The following MED12L variants were observed in gnomAD, a reference collection of about 807,000 sequenced individuals.
MED12L encodes the protein mediator complex subunit 12L, also known as mediator of RNA polymerase II transcription subunit 12-like protein.
A neutral mutation model predicts 281.3 loss-of-function variants in MED12L; 60 were observed. The ratio of observed to expected loss-of-function variants is 0.21; its 90% CI spans 0.17 to 0.26. The LOEUF is 0.26. Ranked by LOEUF, MED12L falls within the 10% of genes least tolerant of loss-of-function variation. The pLI is 1.00. For missense variants in MED12L, 2,146 were observed against 2,680.9 expected (o/e 0.80, Z 4.41); for synonymous variants, 974 against 987.2 (o/e 0.99, Z 0.25).
chr3:151,430,928 G>A (rs759825410), intron 44 of MED12L, among the ~76,000 whole-genome samples: 1 of 151,232 alleles, frequency 6.6e-6, no homozygotes, highest in Admixed American at 6.6e-5. Context: ...TGTAGTGCTG[G>A]TGTGGTGTTT....
chr3:151,170,521 A>T (rs149414289), intron 11 of MED12L, among the ~76,000 whole-genome samples: 1,584 of 151,492 alleles, frequency 0.01, 31 homozygotes, highest in African/African-American at 0.036. Context: ...TGATCCACCC[A>T]CCTCAGCCTC....
intron 16 of MED12L, among the ~76,000 whole-genome samples, chr3:151,302,465 CT>C (rs1746069230): frequency 6.6e-6 from 1 of 152,194 alleles, no homozygotes; most frequent in South Asian, 2.1e-4. Flanking sequence ...ATAATACCTA[CT>C]TTATAGTATC....
chr3:151,109,543 G>T (rs1293837100), intron 2 of MED12L, among the ~76,000 whole-genome samples: 1 of 152,118 alleles, frequency 6.6e-6, no homozygotes, highest in Non-Finnish European at 1.5e-5. Flanking sequence ...TCTATGTTTG[G>T]ATTACTTTGT....
Position 151,327,330 on chromosome 3 carries a change from T to C in MED12L, c.2251-22729T>C, listed in dbSNP as rs554037398. 3 of 152,312 alleles carry C rather than the reference T, an allele frequency of 2.0e-5. No individual in the cohort carries two copies. The East Asian group carries it at 5.8e-4, about 29-fold the overall frequency. 9.4% of individuals were successfully genotyped at this position (152,312 alleles called of 1,614,324 possible). A position where few individuals can be genotyped will look rare whatever the true frequency, so the allele number is the denominator to read the frequency against. On this transcript the variant is annotated intron_variant, in intron 16 of 44. Coordinates refer to ENST00000687756, the MANE Select transcript of MED12L (RefSeq NM_001393769.1). ...TTCCAAAGAATAGTTAACACAGCATTCTCACACTTGAATTGTACACACTTA... is the reference window on the plus strand; with the variant it reads ...TTCCAAAGAATAGTTAACACAGCATCCTCACACTTGAATTGTACACACTTA...
intron 8 of MED12L, among the ~76,000 whole-genome samples, chr3:151,162,815 T>C (rs149908571): frequency 4.7e-4 from 71 of 152,346 alleles, no homozygotes; most frequent in Non-Finnish European, 8.5e-4. Context: ...GGCTTAGATA[T>C]ACACTTTAAA....
Position 151,405,556 on chromosome 3 carries a change from G to T in MED12L, c.5821-3687G>T, listed in dbSNP as rs146090711. Among the ~76,000 whole-genome samples, 1,192 of 152,252 alleles carry T rather than the reference G, an allele frequency of 7.8e-3. 8 individuals carry two copies. The highest frequency in any genetic ancestry group is 0.023 in the South Asian group (113 of 4,820). The stretch of plus-strand genomic sequence containing the variant: ...GGAGGCCAAGGTTGGAGGATCTCTT[G>T]AGTCCAGGAATTTGAGGCCGCAGTG... On this transcript the variant is annotated intron_variant, in intron 39 of 44. Transcript: ENST00000687756.
chr3:151,126,644 A>C (rs1475108762), intron 4 of MED12L, among the ~76,000 whole-genome samples: 1 of 152,208 alleles, frequency 6.6e-6, no homozygotes, highest in Admixed American at 6.5e-5. Context: ...CACAAAATCA[A>C]GTAAGAGTTT....
In MED12L at chr3:151,188,361, G is replaced by A; in HGVS notation, c.1634G>A (p.Gly545Asp). 4 of 1,601,238 alleles carry A rather than the reference G, an allele frequency of 2.5e-6. No individual in the cohort carries two copies. Among genetic ancestry groups the A allele is most frequent in the Non-Finnish European group, 3.4e-6 (4 of 1,168,654 alleles). ...RQAEIEAERC[G>D]ESEVLDEKES... ...TTTATTTTTAATCTGTAGAGATGTG[G>A]TGAATCAGAAGTCTTAGATGAGAAG... The change falls in exon 13 of 45, where the codon GGT (glycine) becomes GAT (aspartate). Residue 545 changes from glycine to aspartate, a missense_variant. Gly to Asp is a moderately conservative substitution (Grantham distance 94, BLOSUM62 -1). This residue lies in a region of MED12L where 722 missense variants were observed against 861.2 expected (regional missense o/e 0.84). Transcript: ENST00000687756.
intron 42 of MED12L, 74 bp downstream of exon 42, chr3:151,413,369 A>G: frequency 6.6e-7 from 1 of 1,507,900 alleles, no homozygotes; most frequent in South Asian, 1.3e-5. Flanking sequence ...ATAAAAAATG[A>G]AAAACACTAT....
intron 16 of MED12L, among the ~76,000 whole-genome samples, chr3:151,273,864 A>G (rs1741423258): frequency 6.6e-6 from 1 of 152,216 alleles, no homozygotes; most frequent in South Asian, 2.1e-4. Context: ...TTCAAATCAT[A>G]TTTAAGACCC....
intron 11 of MED12L, among the ~76,000 whole-genome samples, chr3:151,172,721 TAAGGC>T: frequency 6.6e-6 from 1 of 152,306 alleles, no homozygotes; most frequent in South Asian, 2.1e-4. Context: ...GAAAGTCAAA[TAAGGC>T]AAAAGTCAAG....
intron 4 of MED12L, among the ~76,000 whole-genome samples, chr3:151,125,193 A>G (rs1019637015): frequency 1.3e-5 from 2 of 152,162 alleles, no homozygotes; most frequent in African/African-American, 2.4e-5. Flanking sequence ...GTCAATATAA[A>G]CGTATTTTTC....
chr3:151,322,948 T>A (rs765437544), intron 16 of MED12L, among the ~76,000 whole-genome samples: 32 of 152,176 alleles, frequency 2.1e-4, no homozygotes, highest in Non-Finnish European at 4.4e-4. Context: ...GGCCCAGCTG[T>A]GGGCTCTTTG....
chr3:151,364,537 G>A (rs1016473153), intron 21 of MED12L, among the ~76,000 whole-genome samples: 5 of 152,218 alleles, frequency 3.3e-5, no homozygotes, highest in East Asian at 1.9e-4. Flanking sequence ...CTTCTACTGC[G>A]TACACTATAC....
intron 16 of MED12L, among the ~76,000 whole-genome samples, chr3:151,215,051 A>G (rs1259198170): frequency 6.6e-6 from 1 of 152,120 alleles, no homozygotes; most frequent in Non-Finnish European, 1.5e-5. Context: ...TAACAAACAT[A>G]TACATTCAAA....
At position 151,388,097 on chromosome 3, in the gene MED12L, G is replaced by A; in HGVS notation, c.5376G>A (p.Gln1792=). 1 of 1,613,680 alleles carries A rather than the reference G, an allele frequency of 6.2e-7. No individual in the cohort carries two copies. The highest frequency in any genetic ancestry group is 8.5e-7 in the Non-Finnish European group (1 of 1,179,970). The part of the protein sequence containing the change: ...PERKSAELSD[Q]GKTTTDEEKK... ...GGAAGTCCGCTGAGCTGTCAGATCA[G>A]GGAAAAACCACAACAGATGAAGAAA... The change falls in exon 37 of 45, where the codon CAG becomes CAA. Residue 1792 remains glutamine, a synonymous_variant. Transcript: ENST00000687756.
chr3:151,380,298 G>A, intron 32 of MED12L, 74 bp downstream of exon 32: 2 of 1,040,752 alleles, frequency 1.9e-6, no homozygotes, highest in Non-Finnish European at 2.8e-6. Context: ...TTCAAATACT[G>A]AGATTAAATT....
chr3:151,384,186 C>T lies in MED12L; in HGVS notation c.4894C>T (p.Arg1632Cys). 6.2e-7 allele frequency: 1 copy of T among 1,610,890 alleles called. No individual in the cohort carries two copies. The highest frequency in any genetic ancestry group is 8.5e-7 in the Non-Finnish European group (1 of 1,179,192). ...ASPGGSEENK[R>C]AYMNLVKKLK... The stretch of plus-strand genomic sequence containing the variant: ...CCCTGGGGGATCTGAAGAGAACAAG[C>T]GTGCATACATGAATTTAGTAAAGAA... The change falls in exon 35 of 45, where the codon CGT becomes TGT. Residue 1632 changes from arginine (R) to cysteine (C), a missense_variant. By Grantham distance (180) the Arg-to-Cys change is radical. Around this residue, in one of 9 missense-constraint regions of MED12L, gnomAD observed 212 missense variants for 340.8 expected, o/e 0.62. Coordinates refer to ENST00000687756, the MANE Select transcript of MED12L (RefSeq NM_001393769.1).
At chr3:151,431,197 C>T (rs149760667) in intron 44 of MED12L, among the ~76,000 whole-genome samples, 196 of 152,264 alleles carry the variant, frequency 1.3e-3, no homozygotes, top group African/African-American at 4.1e-3. Flanking sequence ...TTTTTCCATC[C>T]GTGCAATGAG....
Sources: allele counts gnomAD v4.1 joint callset (sites outside exome capture counted in the v4.1 genomes callset), GRCh38; gene constraint gnomAD v4.1.1; regional missense constraint gnomAD v4.1.1; transcripts MANE v1.5; gene names NCBI Gene and HGNC (gene_info 2026-07-23, HGNC 2026-07-21).